PCDHA13: variants seen among roughly 807,000 people sequenced by gnomAD.
PCDHA13 encodes protocadherin alpha-13.
A neutral mutation model predicts 64.8 loss-of-function variants in PCDHA13; 54 were observed. The ratio of observed to expected loss-of-function variants is 0.83; its 90% CI spans 0.67 to 1.04. The LOEUF is 1.04. Among genes scored for constraint, PCDHA13 ranks in the 50% least tolerant of loss-of-function variants. The pLI, the probability that PCDHA13 is intolerant of heterozygous loss-of-function variation, is 0.00. For synonymous variants in PCDHA13, 587 were observed against 564.4 expected, an observed-to-expected ratio of 1.04 and a Z score of -0.57; for missense variants, 1,248 against 1,254.3, an observed-to-expected ratio of 0.99 and a Z score of 0.08.
intron 3 of PCDHA13, among the ~76,000 whole-genome samples, chr5:141,000,885 G>C (rs1213239926): frequency 6.6e-6 from 1 of 151,922 alleles, no homozygotes; most frequent in African/African-American, 2.4e-5. Context: ...TCCAACCTGG[G>C]CAACAGATAT....
intron 1 of PCDHA13, among the ~76,000 whole-genome samples, chr5:140,941,368 G>A (rs2093051755): frequency 7.3e-6 from 1 of 136,646 alleles, no homozygotes; most frequent in Non-Finnish European, 1.5e-5. Context: ...CTAGGCTGGA[G>A]TGTAGTGACA....
chr5:140,979,094 T>G, intron 2 of PCDHA13, 87 bp downstream of exon 2: 3 of 1,551,990 alleles, frequency 1.9e-6, no homozygotes, highest in Non-Finnish European at 2.6e-6. Context: ...CAGAAGCAGC[T>G]GTCAAAACTA....
At chr5:140,984,704 G>A (rs2097116148) in intron 3 of PCDHA13, among the ~76,000 whole-genome samples, 1 of 152,032 alleles carries the variant, frequency 6.6e-6, no homozygotes, top group Non-Finnish European at 1.5e-5. Flanking sequence ...CTGCTTGGAG[G>A]GAATATGGCA....
In PCDHA13 at chr5:140,884,014, G is replaced by T; in HGVS notation, c.1746G>T (p.Pro582=). The part of the protein sequence containing the change: ...SAGGTVSELM[P]RSVGAGHVVA... ...GAGGCACAGTGAGCGAGCTGATGCC[G>T]CGGTCGGTGGGTGCAGGCCACGTGG... The change falls in exon 1 of 4, where the codon CCG becomes CCT. Residue 582 remains proline, a synonymous_variant. Transcript: ENST00000289272. 2 of 1,613,168 alleles carry T rather than the reference G, an allele frequency of 1.2e-6. No individual in the cohort carries two copies. Among genetic ancestry groups the T allele is most frequent in the Non-Finnish European group, 1.7e-6 (2 of 1,179,602 alleles).
intron 1 of PCDHA13, among the ~76,000 whole-genome samples, chr5:140,891,372 G>A (rs1256551608): frequency 1.3e-5 from 2 of 151,962 alleles, no homozygotes; most frequent in Non-Finnish European, 2.9e-5. Flanking sequence ...AGTATACATT[G>A]CACCATATTT....
intron 1 of PCDHA13, among the ~76,000 whole-genome samples, chr5:140,903,723 A>G (rs1361598477): frequency 6.6e-6 from 1 of 152,210 alleles, no homozygotes; most frequent in Non-Finnish European, 1.5e-5. Flanking sequence ...AATTCTCCCT[A>G]TTATCAATTA....
At chr5:140,907,430 T>G (rs1554192988) in intron 1 of PCDHA13, among the ~76,000 whole-genome samples, 1 of 152,244 alleles carries the variant, frequency 6.6e-6, no homozygotes, top group Non-Finnish European at 1.5e-5. Context: ...TAAGGCATTC[T>G]GTGAGTCCAC....
chr5:140,920,632 T>C (rs1054888668), intron 1 of PCDHA13, among the ~76,000 whole-genome samples: 2 of 152,018 alleles, frequency 1.3e-5, no homozygotes, highest in Non-Finnish European at 2.9e-5. Context: ...GATCACAAGG[T>C]CAAGAGATTG....
chr5:140,955,171 C>G (rs887184603), intron 1 of PCDHA13, among the ~76,000 whole-genome samples: 2 of 152,158 alleles, frequency 1.3e-5, no homozygotes, highest in African/African-American at 2.4e-5. Context: ...GTTTTGGTTA[C>G]TGTAGTTTTG....
rs1411970319 is a variant in PCDHA13, at chr5:140,927,470, G to A, written c.2394+42808G>A. The A allele has an allele frequency of 4.3e-6, 7 of 1,614,054 alleles. 1 individual carries two copies. The highest frequency in any genetic ancestry group is 3.3e-5 in the South Asian group (3 of 91,088). ...TTGGTGTTGGAGAAAGCACTGGATC[G>A]CGAACAGCGCGCCACCCACCTGCTG... On this transcript the variant is annotated intron_variant, in intron 1 of 3. Transcript: ENST00000289272.
intron 1 of PCDHA13, among the ~76,000 whole-genome samples, chr5:140,920,911 G>C (rs1290667252): frequency 6.6e-6 from 1 of 150,718 alleles, no homozygotes; most frequent in African/African-American, 2.4e-5. Context: ...TCTCAAATCA[G>C]TTCCAAGAGT....
intron 1 of PCDHA13, among the ~76,000 whole-genome samples, chr5:140,947,108 T>G (rs1419361342): frequency 6.6e-6 from 1 of 151,486 alleles, no homozygotes; most frequent in East Asian, 1.9e-4. Context: ...AATAGGTACG[T>G]GTCAATTAAA....
At chr5:140,909,966 G>C (rs1583724116) in intron 1 of PCDHA13, among the ~76,000 whole-genome samples, 1 of 152,202 alleles carries the variant, frequency 6.6e-6, no homozygotes, top group African/African-American at 2.4e-5. Flanking sequence ...TCTCCATGGG[G>C]AAGGATGGGA....
intron 1 of PCDHA13, among the ~76,000 whole-genome samples, chr5:140,885,230 T>G (rs2060523657): frequency 6.6e-6 from 1 of 152,166 alleles, no homozygotes; most frequent in Non-Finnish European, 1.5e-5. Flanking sequence ...GTGATTCTGC[T>G]TTCAATTTTT....
chr5:141,011,228 A>T lies in PCDHA13; in HGVS notation c.*1291A>T, dbSNP rs2098419864. 1 of 153,664 alleles carries T rather than the reference A, an allele frequency of 6.5e-6. No homozygotes were observed. The highest frequency in any genetic ancestry group is 1.5e-5 in the Non-Finnish European group (1 of 68,016). 9.5% of individuals were successfully genotyped at this position (153,664 alleles called of 1,614,324 possible). On this transcript the variant is annotated 3_prime_UTR_variant, in exon 4 of 4. Coordinates refer to ENST00000289272, the MANE Select transcript of PCDHA13 (RefSeq NM_018904.3). The stretch of plus-strand genomic sequence containing the variant: ...CAGTGAGCAGATTTTTCAATCTACT[A>T]ATTCTGTGACTTGTCTTGGTGTGCT...
At chr5:140,914,297 G>A (rs1371976850) in intron 1 of PCDHA13, among the ~76,000 whole-genome samples, 2 of 152,056 alleles carry the variant, frequency 1.3e-5, no homozygotes, top group African/African-American at 4.8e-5. Flanking sequence ...ATATCCTCTT[G>A]CTGAATTGAC....
intron 1 of PCDHA13, among the ~76,000 whole-genome samples, chr5:140,949,594 G>C (rs914390039): frequency 6.6e-6 from 1 of 151,450 alleles, no homozygotes; most frequent in African/African-American, 2.4e-5. Context: ...ATATTAATGT[G>C]GCCATTCTAG....
rs1563353899 is a variant in PCDHA13, at chr5:140,966,713, G to A, written c.2395-12236G>A. The A allele has an allele frequency of 4.3e-6, 6 of 1,392,826 alleles. No individual in the cohort carries two copies. The African/African-American group carries it at 9.1e-5, about 21-fold the overall frequency. 86.3% of individuals were successfully genotyped at this position (1,392,826 alleles called of 1,614,324 possible). ...CGGGGCCCGGGCGTGGGGCACGGCTGGGGAAGCTGCCGCCTCCGGCCCTGC... is the reference window on the plus strand; with the variant it reads ...CGGGGCCCGGGCGTGGGGCACGGCTAGGGAAGCTGCCGCCTCCGGCCCTGC... On this transcript the variant is annotated intron_variant, in intron 1 of 3. Transcript: ENST00000289272.
At chr5:140,906,097 T>G (rs1396034135) in intron 1 of PCDHA13, among the ~76,000 whole-genome samples, 1 of 152,144 alleles carries the variant, frequency 6.6e-6, no homozygotes, top group Non-Finnish European at 1.5e-5. Context: ...AGAGTAAGTG[T>G]GTCTTTCCCA....
Sources: allele counts gnomAD v4.1 joint callset (sites outside exome capture counted in the v4.1 genomes callset), GRCh38; gene constraint gnomAD v4.1.1; transcripts MANE v1.5; gene names NCBI Gene and HGNC (gene_info 2026-07-23, HGNC 2026-07-21).